F5: variants seen among roughly 807,000 people sequenced by gnomAD.
F5 encodes the protein activated protein c cofactor.
A neutral mutation model predicts 216.4 loss-of-function variants in F5; 138 were observed. The ratio of observed to expected loss-of-function variants is 0.64; its 90% confidence interval spans 0.56 to 0.73. The LOEUF is 0.73. F5 is among the 30% of genes least tolerant of loss of function. The pLI is 0.00. For synonymous variants in F5, 916 were observed against 930.7 expected (o/e 0.98, Z 0.29); for missense variants, 2,403 against 2,674.0 (o/e 0.90, Z 2.24).
chr1:169,536,470 T>C, intron 14 of F5, 36 bp downstream of exon 14: 1 of 1,593,734 alleles, frequency 6.3e-7, no homozygotes, highest in Non-Finnish European at 8.6e-7. Flanking sequence ...TTGTGGAAAT[T>C]CCTCCGAAGA....
At position 169,554,136 on chromosome 1, in the gene F5, C is replaced by T. The variant is rs1660253118; in HGVS notation, c.1118+1046G>A. Among the ~76,000 whole-genome samples the T allele has an allele frequency of 2.7e-5, 4 of 150,552 alleles. No homozygotes were observed. The South Asian group carries it at 8.3e-4, about 31-fold the overall frequency. On this transcript the variant is annotated intron_variant, in intron 7 of 24. Transcript: ENST00000367797. ...ATTTTTATTACAGTGAAAACTCTCACTTTTCTCTGATGACTCTCAAAATGA... is the reference window on the plus strand; with the variant it reads ...ATTTTTATTACAGTGAAAACTCTCATTTTTCTCTGATGACTCTCAAAATGA...
Position 169,540,704 on chromosome 1 carries a change from C to A in F5, c.4386G>T (p.Gln1462His). 1 of 1,614,036 alleles carries A rather than the reference C, an allele frequency of 6.2e-7. No individual in the cohort carries two copies. Among genetic ancestry groups the A allele is most frequent in the Non-Finnish European group, 8.5e-7 (1 of 1,179,982 alleles). The change falls in exon 13 of 25, where the codon CAG (glutamine) becomes CAT (histidine). Residue 1462 changes from glutamine to histidine, a missense_variant. Transcript: ENST00000367797. ...GACTAGATTCAGAAGGGTAGAATAT[C>A]TGATCAAGGTCTGGAGGAGGTGATA... is the stretch of plus-strand genomic sequence containing the variant. ...SQISPPPDLD[Q>H]IFYPSESSQS...
chr1:169,561,657 A>G (rs1660490281), intron 3 of F5, among the ~76,000 whole-genome samples: 1 of 152,222 alleles, frequency 6.6e-6, no homozygotes, highest in South Asian at 2.1e-4. Flanking sequence ...AATTAGGTGA[A>G]AGATTCCCTA....
chr1:169,586,068 A>T (rs1018581040), intron 1 of F5, among the ~76,000 whole-genome samples, 161 bp downstream of exon 1: 1 of 151,570 alleles, frequency 6.6e-6, no homozygotes, highest in African/African-American at 2.4e-5. Context: ...CAAAATTAGC[A>T]TTTGCCCAGT....
chr1:169,555,318 T>G lies in F5; in HGVS notation c.982A>C (p.Asn328His). Residue 328 changes from asparagine (N) to histidine (H), a missense_variant, in exon 7 of 25, where the codon AAC (asparagine) becomes CAC (histidine). This residue lies in a region of F5 where 1,425 missense variants were observed against 1,554.8 expected (regional missense o/e 0.92). Transcript: ENST00000367797. ...AGMQAYIDIK[N>H]CPKKTRNLKK... Reference sequence around the variant, plus strand: ...AGATTCCTGGTTTTCTTTGGGCAGTTTTTAATGTCAATGTAAGCCTGCATC... The same window carrying G: ...AGATTCCTGGTTTTCTTTGGGCAGTGTTTAATGTCAATGTAAGCCTGCATC... The G allele has an allele frequency of 1.9e-6, 3 of 1,614,102 alleles. No homozygotes were observed. The highest frequency in any genetic ancestry group is 2.5e-6 in the Non-Finnish European group (3 of 1,180,012).
intron 6 of F5, among the ~76,000 whole-genome samples, chr1:169,556,261 T>C (rs1160055362): frequency 6.6e-6 from 1 of 151,676 alleles, no homozygotes; most frequent in Non-Finnish European, 1.5e-5. Flanking sequence ...TTACACTTTC[T>C]ACAACTTAGT....
chr1:169,522,613 A>T (rs1274561798), intron 21 of F5, among the ~76,000 whole-genome samples: 8 of 152,168 alleles, frequency 5.3e-5, no homozygotes, highest in Non-Finnish European at 1.5e-5. Context: ...TAATAATGGC[A>T]GGCAGACTCC....
chr1:169,547,212 A>T (rs1024584062), intron 10 of F5, among the ~76,000 whole-genome samples: 1 of 152,098 alleles, frequency 6.6e-6, no homozygotes, highest in Non-Finnish European at 1.5e-5. Context: ...AACACACTTA[A>T]ACGTAAAACC....
At chr1:169,529,487 G>T in intron 16 of F5, 121 bp downstream of exon 16, 6 of 913,418 alleles carry the variant, frequency 6.6e-6, no homozygotes, top group Non-Finnish European at 1.0e-5. Flanking sequence ...ACCGGTTTTA[G>T]TTGTAGCTCT....
At chr1:169,553,060 T>C (rs1660210579) in intron 7 of F5, among the ~76,000 whole-genome samples, 1 of 152,226 alleles carries the variant, frequency 6.6e-6, no homozygotes, top group Non-Finnish European at 1.5e-5. Flanking sequence ...ATACTAGGAA[T>C]TTTTCTAAAG....
chr1:169,523,815 T>A lies in F5; in HGVS notation c.5878A>T (p.Lys1960Ter). ...TTAAGACAAACCTGGATCCAAGGTT[T>A]AGAGGCAAATTCTGCTGCAAGTTTT... ...VEKLAAEFAS[K>*]PWIQVDMQKE... Residue 1960 changes from lysine (K) to a stop codon, truncating the protein, a stop_gained, in exon 20 of 25, where the codon AAA (lysine) becomes TAA (stop). Coordinates refer to ENST00000367797, the MANE Select transcript of F5 (RefSeq NM_000130.5). LOFTEE classifies it high-confidence loss of function. 6.2e-7 allele frequency: 1 copy of A among 1,613,550 alleles called. No individual in the cohort carries two copies. Among genetic ancestry groups the A allele is most frequent in the Non-Finnish European group, 8.5e-7 (1 of 1,179,668 alleles).
In F5 at chr1:169,529,676, T is replaced by C. The variant is rs894529243; in HGVS notation, c.5351A>G (p.Tyr1784Cys). The change falls in exon 16 of 25, where the codon TAT becomes TGT. Residue 1784 changes from tyrosine (Y) to cysteine (C), a missense_variant. Tyr to Cys is a radical substitution (Grantham distance 194, BLOSUM62 -2). Transcript: ENST00000367797. ...MTFDEKKSWY[Y>C]EKKSRSSWRL... ...CCAAGAACTTCGGGACTTCTTTTCA[T>C]AGTACCAGCTCTTCTTTTCATCAAA... 5 of 1,613,786 alleles carry C rather than the reference T, an allele frequency of 3.1e-6. No individual in the cohort carries two copies. Among genetic ancestry groups the C allele is most frequent in the South Asian group, 1.1e-5 (1 of 91,086 alleles).
In F5 at chr1:169,542,391, G is replaced by A. The variant is rs367658863; in HGVS notation, c.2699C>T (p.Ser900Phe). Residue 900 changes from serine (S) to phenylalanine (F), a missense_variant, in exon 13 of 25, where the codon TCT becomes TTT. By Grantham distance (155) the Ser-to-Phe change is radical. Around this residue, in one of 4 missense-constraint regions of F5, gnomAD observed 1,425 missense variants for 1,554.8 expected, o/e 0.92. Coordinates refer to ENST00000367797, the MANE Select transcript of F5 (RefSeq NM_000130.5). ...VGRHLSQDTG[S>F]PSGMRPWEDL... Reference sequence around the variant, plus strand: ...CTCCCAGGGCCTCATTCCGGAAGGAGAACCAGTGTCTTGGCTTAGGTGTCT... The same window carrying A: ...CTCCCAGGGCCTCATTCCGGAAGGAAAACCAGTGTCTTGGCTTAGGTGTCT... 1 of 1,614,120 alleles carries A rather than the reference G, an allele frequency of 6.2e-7. No homozygotes were observed. Among genetic ancestry groups the A allele is most frequent in the South Asian group, 1.1e-5 (1 of 91,078 alleles).
chr1:169,526,570 CT>C (rs748916592), intron 17 of F5, among the ~76,000 whole-genome samples: 18 of 152,142 alleles, frequency 1.2e-4, no homozygotes, highest in African/African-American at 1.9e-4. Context: ...ACATTACCCC[CT>C]GGCAGTTAAT....
rs765202347 is a variant in F5 at position 169,518,503 on chromosome 1, G to T, written c.6254C>A (p.Ser2085Tyr). Reference protein sequence around the residue: ...GKIENKQITASSFKKSWWGDY... With the variant: ...GKIENKQITAYSFKKSWWGDY... ...TCCCCACCAAGATTTCTTAAACGAAGAAGCTGTGATTTGCTTGTTTTCTAT... is the reference window on the plus strand; with the variant it reads ...TCCCCACCAAGATTTCTTAAACGAATAAGCTGTGATTTGCTTGTTTTCTAT... The change falls in exon 23 of 25, where the codon TCT (serine) becomes TAT (tyrosine). Residue 2085 changes from serine (S) to tyrosine (Y), a missense_variant. Ser to Tyr is a moderately radical substitution (Grantham distance 144, BLOSUM62 -2). This residue lies in a region of F5 where 659 missense variants were observed against 787.9 expected (regional missense o/e 0.84). Transcript: ENST00000367797. 1 of 1,613,902 alleles carries T rather than the reference G, an allele frequency of 6.2e-7. No homozygotes were observed. Among genetic ancestry groups the T allele is most frequent in the East Asian group, 2.2e-5 (1 of 44,864 alleles).
chr1:169,551,579 G>T (rs1660168643), intron 8 of F5, among the ~76,000 whole-genome samples: 1 of 151,874 alleles, frequency 6.6e-6, no homozygotes. Flanking sequence ...GAGGCATGGA[G>T]AAAAAAAACT....
intron 4 of F5, among the ~76,000 whole-genome samples, chr1:169,559,899 G>C (rs1029754552): frequency 1.3e-5 from 1 of 74,894 alleles, no homozygotes; most frequent in Non-Finnish European, 2.2e-5. Flanking sequence ...TATGGCCTGA[G>C]CGTGTATGTA....
rs373541623 is a variant in F5 at position 169,560,741 on chromosome 1, G to T, written c.399C>A (p.Phe133Leu). ...SEGASYLDHTFPAEKMDDAVA... is the reference protein window; with the variant it reads ...SEGASYLDHTLPAEKMDDAVA... ...CAGCGTCGTCCATCTTCTCCGCAGG[G>T]AATGTGTGGTCAAGGTAAGAAGCAC... The change falls in exon 4 of 25, where the codon TTC becomes TTA. Residue 133 changes from phenylalanine to leucine, a missense_variant. Physicochemically the swap from Phe to Leu is conservative, Grantham distance 22. Around this residue, in one of 4 missense-constraint regions of F5, gnomAD observed 1,425 missense variants for 1,554.8 expected, o/e 0.92. Transcript: ENST00000367797. The T allele has an allele frequency of 3.1e-6, 5 of 1,612,222 alleles. No homozygotes were observed. The African/African-American group carries it at 6.7e-5, about 22-fold the overall frequency.
intron 22 of F5, among the ~76,000 whole-genome samples, chr1:169,519,922 G>A (rs924980171): frequency 4.6e-5 from 7 of 152,218 alleles, no homozygotes; most frequent in Admixed American, 4.6e-4. Context: ...GCTATATATA[G>A]TAGAATTTTA....
Sources: allele counts gnomAD v4.1 joint callset (sites outside exome capture counted in the v4.1 genomes callset), GRCh38; gene constraint gnomAD v4.1.1; regional missense constraint gnomAD v4.1.1; transcripts MANE v1.5; gene names NCBI Gene and HGNC (gene_info 2026-07-23, HGNC 2026-07-21).